Variants in GALNT1 observed in about 807,000 individuals in gnomAD.
The protein encoded by GALNT1 is polypeptide N-acetylgalactosaminyltransferase 1.
GALNT1 carries 17 observed loss-of-function variants against 65.7 expected under a neutral mutation model. The observed-to-expected ratio is 0.26, with a 90% CI of 0.18 to 0.39. The LOEUF is 0.39. Among genes scored for constraint, GALNT1 ranks in the 10% least tolerant of loss-of-function variants. GALNT1 has a pLI of 1.00. For synonymous variants in GALNT1, 210 were observed against 219.7 expected (o/e 0.96, Z 0.39); for missense variants, 460 against 672.8 (o/e 0.68, Z 3.50).
At position 35,650,658 on chromosome 18, in the gene GALNT1, A is replaced by C. The variant is rs182848442; in HGVS notation, c.-103-3902A>C. Among the ~76,000 whole-genome samples the C allele has an allele frequency of 6.6e-3, 1,006 of 152,308 alleles. 10 individuals are homozygous for C. The highest frequency in any genetic ancestry group is 0.014 in the Middle Eastern group (4 of 294). ...TCAGGGATGGTCCTTGCTGAGAGAA[A>C]GAATTCAGCAATATTTCTCCTATTT... On this transcript the variant is annotated intron_variant, in intron 1 of 11. Coordinates refer to ENST00000269195, the MANE Select transcript of GALNT1 (RefSeq NM_020474.4).
rs1335355522 is a variant in GALNT1 at position 35,703,382 on chromosome 18, A to C, written c.1399-127A>C. On this transcript the variant is annotated intron_variant, in intron 10 of 11. Coordinates refer to ENST00000269195, the MANE Select transcript of GALNT1 (RefSeq NM_020474.4). ...GCTTTTCTGAGTCACTTTATTCTTC[A>C]TTACTTTAATAAAGTACATAAATCA... 5 of 863,000 alleles carry C rather than the reference A, an allele frequency of 5.8e-6. No homozygotes were observed. The East Asian group carries it at 1.1e-4, about 18-fold the overall frequency. 53.5% of individuals were successfully genotyped at this position (863,000 alleles called of 1,614,324 possible). A position where few individuals can be genotyped will look rare whatever the true frequency, so the allele number is the denominator to read the frequency against.
intron 2 of GALNT1, among the ~76,000 whole-genome samples, chr18:35,658,055 A>G (rs992690627): frequency 2.0e-5 from 3 of 152,232 alleles, no homozygotes; most frequent in African/African-American, 7.2e-5. Flanking sequence ...TTTGACAACC[A>G]CTAGTGGCAT....
chr18:35,632,841 A>G (rs976931920), intron 1 of GALNT1, among the ~76,000 whole-genome samples: 36 of 152,322 alleles, frequency 2.4e-4, no homozygotes, highest in Admixed American at 2.2e-3. Flanking sequence ...AAAGAACTCA[A>G]ACAAATTTAC....
intron 1 of GALNT1, among the ~76,000 whole-genome samples, chr18:35,612,115 A>G (rs1179014317): frequency 6.6e-6 from 1 of 152,226 alleles, no homozygotes; most frequent in Non-Finnish European, 1.5e-5. Context: ...AGAGAAGGAA[A>G]AATTGAGAGA....
At position 35,663,613 on chromosome 18, in the gene GALNT1, T is replaced by C; in HGVS notation, c.140-15T>C. 6.3e-7 allele frequency: 1 copy of C among 1,586,532 alleles called. No individual in the cohort carries two copies. Among genetic ancestry groups the C allele is most frequent in the African/African-American group, 1.4e-5 (1 of 72,982 alleles). ...CTATGAAATTAATGTTAGTTAAGTT[T>C]CTTCCTATTCTTAGTTCTAGAGCCA... On this transcript the variant is annotated splice_polypyrimidine_tract_variant and intron_variant, in intron 2 of 11. Transcript: ENST00000269195.
chr18:35,586,719 A>T (rs994842207), intron 1 of GALNT1, among the ~76,000 whole-genome samples: 10 of 152,266 alleles, frequency 6.6e-5, no homozygotes, highest in African/African-American at 2.4e-4. Flanking sequence ...GTATCTTTGT[A>T]AAAAAGCATT....
intron 1 of GALNT1, among the ~76,000 whole-genome samples, chr18:35,648,696 TTTC>T (rs769529849): frequency 1.3e-5 from 2 of 152,218 alleles, no homozygotes; most frequent in Non-Finnish European, 2.9e-5. Flanking sequence ...ACTGGCATTG[TTTC>T]TTTGAGGTAT....
rs774264908 is a variant in GALNT1 at position 35,686,993 on chromosome 18, T to G, written c.690-23T>G. ...AAACAGGAATGTTTTGAAAGATTTC[T>G]TAACTTGCTTTTATGACATCAGGAG... On this transcript the variant is annotated intron_variant, in intron 5 of 11. Transcript: ENST00000269195. 8.2e-6 allele frequency: 13 copies of G among 1,591,580 alleles called. No individual in the cohort carries two copies. In the African/African-American group the frequency reaches 1.5e-4, roughly 18 times the overall value.
chr18:35,628,680 A>G (rs917811582), intron 1 of GALNT1, among the ~76,000 whole-genome samples: 1 of 152,220 alleles, frequency 6.6e-6, no homozygotes, highest in Admixed American at 6.5e-5. Flanking sequence ...CCAAGGGAAC[A>G]CAGCTCCTCA....
intron 2 of GALNT1, among the ~76,000 whole-genome samples, chr18:35,658,064 A>G (rs1392977043): frequency 6.6e-6 from 1 of 152,246 alleles, no homozygotes; most frequent in Non-Finnish European, 1.5e-5. Flanking sequence ...CACTAGTGGC[A>G]TAAGTTTCAA....
chr18:35,626,270 T>C (rs58515225), intron 1 of GALNT1, among the ~76,000 whole-genome samples: 15,469 of 152,202 alleles, frequency 0.1, 1,003 homozygotes, highest in African/African-American at 0.19. Flanking sequence ...ACATTTTTCA[T>C]GTTTGTGTGC....
chr18:35,622,391 A>G (rs577466350), intron 1 of GALNT1, among the ~76,000 whole-genome samples: 1 of 152,268 alleles, frequency 6.6e-6, no homozygotes, highest in Non-Finnish European at 1.5e-5. Flanking sequence ...AGCTGGGACT[A>G]TAAGCACATG....
intron 3 of GALNT1, among the ~76,000 whole-genome samples, chr18:35,670,809 A>G (rs1208874991): frequency 1.3e-5 from 2 of 152,238 alleles, no homozygotes; most frequent in Non-Finnish European, 2.9e-5. Context: ...AGTTCTGTAC[A>G]TACTTGAACA....
intron 1 of GALNT1, among the ~76,000 whole-genome samples, chr18:35,610,224 G>C (rs2046700515): frequency 6.6e-6 from 1 of 152,158 alleles, no homozygotes; most frequent in Non-Finnish European, 1.5e-5. Flanking sequence ...ACCAGGGTGT[G>C]GTCTCTGCCT....
intron 2 of GALNT1, among the ~76,000 whole-genome samples, chr18:35,658,370 C>T (rs1014846776): frequency 2.0e-5 from 3 of 152,074 alleles, no homozygotes; most frequent in African/African-American, 7.2e-5. Flanking sequence ...AGGGCTGAGC[C>T]GTAGGCTGGA....
chr18:35,636,015 A>T (rs957224459), intron 1 of GALNT1, among the ~76,000 whole-genome samples: 3 of 152,108 alleles, frequency 2.0e-5, no homozygotes, highest in Non-Finnish European at 2.9e-5. Flanking sequence ...AGTTTTTTTT[A>T]AAAAAGAATG....
intron 10 of GALNT1, 23 bp from the exon 11 acceptor site, chr18:35,703,486 T>C (rs1276013012): frequency 1.2e-6 from 2 of 1,608,660 alleles, no homozygotes; most frequent in East Asian, 2.2e-5. Flanking sequence ...TTTCTGTTTA[T>C]GTGTGTGCAT....
chr18:35,585,584 T>C (rs1203903706), intron 1 of GALNT1, among the ~76,000 whole-genome samples: 1 of 152,246 alleles, frequency 6.6e-6, no homozygotes, highest in Non-Finnish European at 1.5e-5. Context: ...AAAATTTTCA[T>C]GGCCACAAGA....
At chr18:35,704,675 G>T (rs530337848) in intron 11 of GALNT1, among the ~76,000 whole-genome samples, 1 of 145,790 alleles carries the variant, frequency 6.9e-6, no homozygotes, top group Admixed American at 6.9e-5. Context: ...ATGGAGTCTC[G>T]CTCTTATCGC....
Sources: gnomAD v4.1 joint callset for allele counts (sites outside exome capture counted in the v4.1 genomes callset) on GRCh38, gnomAD v4.1.1 for gene constraint, MANE v1.5 for transcripts, NCBI Gene and HGNC (gene_info 2026-07-23, HGNC 2026-07-21) for gene names.